Variants in ST8SIA4 observed in about 807,000 individuals in gnomAD.
The protein encoded by ST8SIA4 is CMP-N-acetylneuraminate-poly-alpha-2,8-sialyltransferase.
Under a neutral mutation model 33.9 loss-of-function variants are expected in ST8SIA4, and 15 were observed. That is an observed-to-expected ratio of 0.44 (90% CI 0.30 to 0.68). The LOEUF (loss-of-function observed/expected upper bound fraction) is 0.68. Ranked by LOEUF, ST8SIA4 falls within the 30% of genes least tolerant of loss-of-function variation. ST8SIA4 has a pLI of 0.10. For synonymous variants in ST8SIA4, 171 were observed against 151.2 expected, an observed-to-expected ratio of 1.13 and a Z score of -0.96; for missense variants, 321 against 428.0, an observed-to-expected ratio of 0.75 and a Z score of 2.21.
chr5:100,813,191 A>G (rs1750848635), intron 4 of ST8SIA4, among the ~76,000 whole-genome samples: 1 of 151,928 alleles, frequency 6.6e-6, no homozygotes, highest in Non-Finnish European at 1.5e-5. Context: ...TCCAGGGGAG[A>G]TAAAATACAT....
In ST8SIA4 at chr5:100,882,655, T is replaced by G. The variant is rs1752451128; in HGVS notation, c.503+3688A>C. Among the ~76,000 whole-genome samples the G allele has an allele frequency of 2.0e-5, 3 of 152,068 alleles. No individual in the cohort carries two copies. The South Asian group carries it at 6.2e-4, about 31-fold the overall frequency. On this transcript the variant is annotated intron_variant, in intron 3 of 4. Coordinates refer to ENST00000231461, the MANE Select transcript of ST8SIA4 (RefSeq NM_005668.6). ...ACAGACCTGGAGACCTAGGAGAAAA[T>G]GGTTTCACGGGCTGGGCCCAGGATC...
chr5:100,886,102 C>T (rs1752529454), intron 3 of ST8SIA4: 3 of 1,280,260 alleles, frequency 2.3e-6, no homozygotes, highest in Admixed American at 3.8e-5. Flanking sequence ...CCCCTCACCT[C>T]ACCAAAAAAA....
intron 2 of ST8SIA4, among the ~76,000 whole-genome samples, chr5:100,894,287 G>T (rs922396347): frequency 6.6e-6 from 1 of 151,966 alleles, no homozygotes. Flanking sequence ...AAAGCCTCCT[G>T]GTTTTTAATA....
At chr5:100,892,420 G>A (rs984817431) in intron 2 of ST8SIA4, among the ~76,000 whole-genome samples, 13 of 152,006 alleles carry the variant, frequency 8.6e-5, no homozygotes, top group Non-Finnish European at 1.5e-4. Flanking sequence ...TCCATATATC[G>A]TGAATCCTCA....
rs1331201666 is a variant in ST8SIA4 at position 100,889,553 on chromosome 5, T to A, written c.246-2953A>T. Among the ~76,000 whole-genome samples the A allele has an allele frequency of 2.0e-5, 3 of 152,034 alleles. No individual in the cohort carries two copies. In the East Asian group the frequency reaches 5.8e-4, roughly 29 times the overall value. On this transcript the variant is annotated intron_variant, in intron 2 of 4. Transcript: ENST00000231461. ...GTTAACACATGCTAGTCAACTAACG[T>A]CAAAATGGACTTTCCAATAACAGCA...
intron 3 of ST8SIA4, among the ~76,000 whole-genome samples, chr5:100,876,188 G>A (rs1370587770): frequency 1.3e-5 from 2 of 152,038 alleles, no homozygotes; most frequent in African/African-American, 2.4e-5. Context: ...AATTATATAT[G>A]TAACTGAACA....
At chr5:100,821,701 A>G (rs1014858962) in intron 4 of ST8SIA4, among the ~76,000 whole-genome samples, 1 of 152,240 alleles carries the variant, frequency 6.6e-6, no homozygotes, top group African/African-American at 2.4e-5. Context: ...GTCAAGGATC[A>G]GAGTTCTCAA....
At chr5:100,881,425 G>T (rs1301990359) in intron 3 of ST8SIA4, among the ~76,000 whole-genome samples, 1 of 152,138 alleles carries the variant, frequency 6.6e-6, no homozygotes, top group Non-Finnish European at 1.5e-5. Context: ...ATTCTAGTTT[G>T]TTAACTATGT....
At chr5:100,898,400 G>A (rs1253538870) in intron 1 of ST8SIA4, among the ~76,000 whole-genome samples, 2 of 152,204 alleles carry the variant, frequency 1.3e-5, no homozygotes, top group Non-Finnish European at 2.9e-5. Context: ...GATGTTTTCA[G>A]TTGTGCCAAG....
chr5:100,887,734 T>C (rs1658978698), intron 2 of ST8SIA4, among the ~76,000 whole-genome samples: 2 of 152,030 alleles, frequency 1.3e-5, no homozygotes, highest in South Asian at 2.1e-4. Context: ...CTAATAAATA[T>C]GTTGTTCTTG....
intron 3 of ST8SIA4, among the ~76,000 whole-genome samples, chr5:100,879,308 C>T (rs1752369505): frequency 6.6e-6 from 1 of 152,118 alleles, no homozygotes; most frequent in Admixed American, 6.6e-5. Context: ...TCAGTAAATT[C>T]TGTGGCTATT....
At chr5:100,840,044 G>A (rs900989930) in intron 4 of ST8SIA4, among the ~76,000 whole-genome samples, 4 of 151,158 alleles carry the variant, frequency 2.6e-5, no homozygotes, top group Non-Finnish European at 4.4e-5. Flanking sequence ...CAATTCATAC[G>A]GAGTCTTTTT....
intron 2 of ST8SIA4, among the ~76,000 whole-genome samples, chr5:100,888,471 C>T (rs73777435): frequency 0.027 from 4,122 of 151,898 alleles, 61 homozygotes; most frequent in African/African-American, 0.04. Context: ...TTTGAGAAAA[C>T]GCTACACCTA....
In ST8SIA4 at chr5:100,808,100, A is replaced by G. The variant is rs1411347942; in HGVS notation, c.*3747T>C. 2 of 152,550 alleles carry G rather than the reference A, an allele frequency of 1.3e-5. No individual in the cohort carries two copies. Among genetic ancestry groups the G allele is most frequent in the Admixed American group, 6.5e-5 (1 of 15,272 alleles). The allele number at this position is 152,550 out of a possible 1,614,324, so 9.4% of individuals were successfully genotyped here. On this transcript the variant is annotated 3_prime_UTR_variant, in exon 5 of 5. Coordinates refer to ENST00000231461, the MANE Select transcript of ST8SIA4 (RefSeq NM_005668.6). ...CTCCCTACAATAACCACATGAAAAC[A>G]ACTCTTTCATGAACCAAATATCACG... is the stretch of plus-strand genomic sequence containing the variant.
chr5:100,871,507 A>G (rs1466450696), intron 3 of ST8SIA4, among the ~76,000 whole-genome samples: 1 of 152,002 alleles, frequency 6.6e-6, no homozygotes, highest in African/African-American at 2.4e-5. Flanking sequence ...TTTGTTTTTT[A>G]TATCACATTG....
chr5:100,874,001 C>A (rs1752253900), intron 3 of ST8SIA4, among the ~76,000 whole-genome samples: 1 of 152,078 alleles, frequency 6.6e-6, no homozygotes, highest in South Asian at 2.1e-4. Context: ...ATTTTCACAA[C>A]CAACAAATTA....
intron 4 of ST8SIA4, among the ~76,000 whole-genome samples, chr5:100,848,738 C>T (rs1008273440): frequency 2.7e-5 from 4 of 150,390 alleles, no homozygotes; most frequent in Admixed American, 6.6e-5. Flanking sequence ...CCACAATTGA[C>T]ATTTATCAAA....
chr5:100,816,696 C>A, intron 4 of ST8SIA4: 1 of 445,122 alleles, frequency 2.2e-6, no homozygotes, highest in Non-Finnish European at 4.4e-6. Flanking sequence ...ATATTATAAG[C>A]AAAGTTTCCA....
intron 3 of ST8SIA4, among the ~76,000 whole-genome samples, chr5:100,859,745 A>C (rs940537238): frequency 3.3e-5 from 5 of 152,214 alleles, no homozygotes; most frequent in African/African-American, 1.2e-4. Flanking sequence ...ATAGGGAATA[A>C]ATGTTTATTT....
Sources: allele counts gnomAD v4.1 joint callset (sites outside exome capture counted in the v4.1 genomes callset), GRCh38; gene constraint gnomAD v4.1.1; transcripts MANE v1.5; gene names NCBI Gene and HGNC (gene_info 2026-07-23, HGNC 2026-07-21).